SLC25A30: variants seen among roughly 807,000 people sequenced by gnomAD.
SLC25A30 encodes the protein solute carrier family 25 member 30, also known as kidney mitochondrial carrier protein 1.
A neutral mutation model predicts 42.7 loss-of-function variants in SLC25A30; 29 were observed. The observed-to-expected ratio is 0.68, with a 90% CI of 0.51 to 0.93. The LOEUF (loss-of-function observed/expected upper bound fraction) is 0.93, where lower values mean the gene tolerates loss of function less well. Among genes scored for constraint, SLC25A30 ranks in the 40% least tolerant of loss-of-function variants. The pLI, the probability that SLC25A30 is intolerant of heterozygous loss-of-function variation, is 0.00. For synonymous variants in SLC25A30, 124 were observed against 131.0 expected, an observed-to-expected ratio of 0.95 and a Z score of 0.37; for missense variants, 300 against 359.7, an observed-to-expected ratio of 0.83 and a Z score of 1.34.
chr13:45,423,902 TA>T, the SLC25A30 span, among the ~76,000 whole-genome samples: 1 of 86,350 alleles, frequency 1.2e-5, no homozygotes, highest in South Asian at 3.9e-4. Context: ...TAAATATATA[TA>T]AGAATATATA....
intron 6 of SLC25A30, 133 bp downstream of exon 6, chr13:45,402,142 A>G: frequency 1.7e-6 from 1 of 575,534 alleles, no homozygotes; most frequent in Non-Finnish European, 3.1e-6. Context: ...AGATATTTTC[A>G]TGGGCAGAAG....
At chr13:45,424,950 A>T in the SLC25A30 span, among the ~76,000 whole-genome samples, 8 of 76,406 alleles carry the variant, frequency 1.0e-4, no homozygotes, top group African/African-American at 2.3e-4. Flanking sequence ...AAATAAATAT[A>T]TAAATAAATA....
Position 45,393,349 on chromosome 13 carries a change from A to G in SLC25A30, c.*2625T>C. On this transcript the variant is annotated 3_prime_UTR_variant, in exon 10 of 10. Transcript: ENST00000519676. Reference sequence around the variant, plus strand: ...ATTATATATTACTCCAGTTTATTAAATAAATGAAACAAGGCTTATGCCACA... The same window carrying G: ...ATTATATATTACTCCAGTTTATTAAGTAAATGAAACAAGGCTTATGCCACA... The G allele has an allele frequency of 1.0e-6, 1 of 971,096 alleles. No individual in the cohort carries two copies. Among genetic ancestry groups the G allele is most frequent in the Non-Finnish European group, 1.2e-6 (1 of 816,862 alleles). The allele number at this position is 971,096 out of a possible 1,614,324, so 60.2% of individuals were successfully genotyped here. A position where few individuals can be genotyped will look rare whatever the true frequency, so the allele number is the denominator to read the frequency against.
intron 1 of SLC25A30, 142 bp downstream of exon 1, chr13:45,418,158 G>C (rs1246643826): frequency 1.3e-5 from 2 of 153,188 alleles, no homozygotes; most frequent in Admixed American, 6.5e-5. Context: ...GGCCTGCGAA[G>C]TGGAGAGCAC....
Position 45,394,663 on chromosome 13 carries a change from G to A in SLC25A30, c.*1311C>T. ...GAAGGAAGAGGGCTCTTTCTCTGAAGCAGGTTAGAGTAAAGAATAAGAAAA... is the reference window on the plus strand; with the variant it reads ...GAAGGAAGAGGGCTCTTTCTCTGAAACAGGTTAGAGTAAAGAATAAGAAAA... On this transcript the variant is annotated 3_prime_UTR_variant, in exon 10 of 10. Transcript: ENST00000519676. 1.0e-6 allele frequency: 1 copy of A among 985,162 alleles called. No individual in the cohort carries two copies. The highest frequency in any genetic ancestry group is 1.2e-6 in the Non-Finnish European group (1 of 829,766). The allele number at this position is 985,162 out of a possible 1,614,324, so 61.0% of individuals were successfully genotyped here. A position where few individuals can be genotyped will look rare whatever the true frequency, so the allele number is the denominator to read the frequency against.
chr13:45,395,792 A>T lies in SLC25A30; in HGVS notation c.*182T>A. The T allele has an allele frequency of 2.0e-6, 3 of 1,474,074 alleles. No homozygotes were observed. Among genetic ancestry groups the T allele is most frequent in the South Asian group, 2.7e-5 (2 of 73,040 alleles). The allele number at this position is 1,474,074 out of a possible 1,614,324, so 91.3% of individuals were successfully genotyped here. On this transcript the variant is annotated 3_prime_UTR_variant, in exon 10 of 10. Transcript: ENST00000519676. ...TTTGGATGTTAGTTTATGCCATTAA[A>T]CGTTTGATGAAGAGCATCCAATGCC...
At chr13:45,424,068 T>A in the SLC25A30 span, among the ~76,000 whole-genome samples, 343 of 97,682 alleles carry the variant, frequency 3.5e-3, 3 homozygotes, top group African/African-American at 0.014. Context: ...AAAATATATA[T>A]ATTTATATAA....
upstream of SLC25A30, among the ~76,000 whole-genome samples, chr13:45,419,791 G>C (rs1043714380): frequency 6.6e-6 from 1 of 151,514 alleles, no homozygotes; most frequent in Non-Finnish European, 1.5e-5. Context: ...TTAGCCGGAC[G>C]TGGTGATGGA....
rs1881932248 is a variant in SLC25A30 at position 45,401,142 on chromosome 13, G to A, written c.555C>T (p.Ile185=). 1.2e-6 allele frequency: 2 copies of A among 1,613,982 alleles called. No homozygotes were observed. Among genetic ancestry groups the A allele is most frequent in the African/African-American group, 2.7e-5 (2 of 75,018 alleles). ...CTGAGAGAATAAGATGCTTCTTGGT[G>A]ATGTCATAGACCGGCAGCTCCACAC... The part of the protein sequence containing the change: ...VVGVELPVYD[I]TKKHLILSGL... The change falls in exon 7 of 10, where the codon ATC becomes ATT. Residue 185 remains isoleucine, a synonymous_variant. Coordinates refer to ENST00000519676, the MANE Select transcript of SLC25A30 (RefSeq NM_001010875.4).
chr13:45,396,290 G>A (rs987533855), intron 9 of SLC25A30: 11 of 1,313,122 alleles, frequency 8.4e-6, no homozygotes, highest in African/African-American at 7.4e-5. Flanking sequence ...TGGCTTTGCT[G>A]TGGTGGAAAA....
At chr13:45,424,666 A>AATATATATAAATATATAT in the SLC25A30 span, among the ~76,000 whole-genome samples, 1 of 69,168 alleles carries the variant, frequency 1.4e-5, no homozygotes, top group African/African-American at 5.2e-5. Flanking sequence ...AATATATAGA[A>AATATATATAAATATATAT]ATATATATAG....
At chr13:45,421,117 G>C (rs146725213), upstream of SLC25A30, among the ~76,000 whole-genome samples, 2 of 151,946 alleles carry the variant, frequency 1.3e-5, no homozygotes, top group Non-Finnish European at 1.5e-5. Flanking sequence ...GGTGGCTCAC[G>C]TCTATAATCC....
At chr13:45,419,620 T>G (rs1883826962), upstream of SLC25A30, among the ~76,000 whole-genome samples, 1 of 149,236 alleles carries the variant, frequency 6.7e-6, no homozygotes, top group Non-Finnish European at 1.5e-5. Flanking sequence ...CACCCGGCTG[T>G]GAACTCATGA....
chr13:45,417,275 T>C (rs1883616599), intron 1 of SLC25A30, among the ~76,000 whole-genome samples: 1 of 152,234 alleles, frequency 6.6e-6, no homozygotes. Flanking sequence ...CCTCCCAAAG[T>C]GCTGGGATTA....
the SLC25A30 span, among the ~76,000 whole-genome samples, chr13:45,425,004 A>ATATATAAG: frequency 1.1e-4 from 4 of 35,116 alleles, no homozygotes; most frequent in East Asian, 3.1e-3. Context: ...AAATATATAA[A>ATATATAAG]TATATATAAA....
At chr13:45,402,985 A>AT (rs1882143273) in intron 5 of SLC25A30, 2 of 199,118 alleles carry the variant, frequency 1.0e-5, no homozygotes, top group African/African-American at 2.4e-5. Context: ...ATGAAGAAAG[A>AT]TTTTTTACTA....
intron 7 of SLC25A30, 94 bp from the exon 8 acceptor site, chr13:45,399,172 G>T: frequency 7.8e-7 from 1 of 1,289,380 alleles, no homozygotes; most frequent in African/African-American, 1.5e-5. Context: ...CCCAAACTAT[G>T]GGGTTTTCTT....
Position 45,399,094 on chromosome 13 carries a change from T to C in SLC25A30, c.615-16A>G. 2 of 1,547,978 alleles carry C rather than the reference T, an allele frequency of 1.3e-6. No individual in the cohort carries two copies. Among genetic ancestry groups the C allele is most frequent in the South Asian group, 1.2e-5 (1 of 81,966 alleles). ...GAAGCTTGAGCTATAAAGACACCATTGGAAAAAAAAAAAAAAGTTAACCAT... is the reference window on the plus strand; with the variant it reads ...GAAGCTTGAGCTATAAAGACACCATCGGAAAAAAAAAAAAAAGTTAACCAT... On this transcript the variant is annotated splice_polypyrimidine_tract_variant and intron_variant, in intron 7 of 9. Transcript: ENST00000519676.
chr13:45,404,329 T>G lies in SLC25A30; in HGVS notation c.391A>C (p.Lys131Gln), dbSNP rs922028557. Residue 131 changes from lysine (K) to glutamine (Q), a missense_variant and splice_region_variant, in exon 5 of 10, where the codon AAA (lysine) becomes CAA (glutamine). Physicochemically the swap from Lys to Gln is moderately conservative, Grantham distance 53 (BLOSUM62 1). Coordinates refer to ENST00000519676, the MANE Select transcript of SLC25A30 (RefSeq NM_001010875.4). The part of the protein sequence containing the change: ...STIANPTDVL[K>Q]IRMQAQSNTI... Reference sequence around the variant, plus strand: ...AAGATATAGATAGCACAGCTTACTTTCAAAACATCAGTTGGATTAGCAATG... The same window carrying G: ...AAGATATAGATAGCACAGCTTACTTGCAAAACATCAGTTGGATTAGCAATG... The G allele has an allele frequency of 1.2e-6, 2 of 1,608,774 alleles. No homozygotes were observed. The highest frequency in any genetic ancestry group is 2.7e-5 in the African/African-American group (2 of 74,828).
Sources: gnomAD v4.1 joint callset for allele counts (sites outside exome capture counted in the v4.1 genomes callset) on GRCh38, gnomAD v4.1.1 for gene constraint, MANE v1.5 for transcripts, NCBI Gene and HGNC (gene_info 2026-07-23, HGNC 2026-07-21) for gene names.